Variants in RNF150 observed in about 807,000 individuals in gnomAD.
RNF150 encodes ring finger protein 150.
Under a neutral mutation model 39.3 loss-of-function variants are expected in RNF150, and 24 were observed. The ratio of observed to expected loss-of-function variants is 0.61; its 90% CI spans 0.44 to 0.86. RNF150 has a LOEUF of 0.86. Ranked by LOEUF, RNF150 falls within the 40% of genes least tolerant of loss-of-function variation. The pLI is 0.00. For synonymous variants in RNF150, 255 were observed against 227.3 expected (o/e 1.12, Z -1.10); for missense variants, 502 against 587.8 (o/e 0.85, Z 1.51).
At chr4:141,030,705 T>G (rs1181916994) in intron 1 of RNF150, among the ~76,000 whole-genome samples, 1 of 152,070 alleles carries the variant, frequency 6.6e-6, no homozygotes, top group African/African-American at 2.4e-5. Flanking sequence ...AATAAGATAG[T>G]CACAAAAAGA....
intron 1 of RNF150, among the ~76,000 whole-genome samples, chr4:141,164,865 T>C (rs570194303): frequency 6.6e-6 from 1 of 152,232 alleles, no homozygotes; most frequent in Non-Finnish European, 1.5e-5. Flanking sequence ...GTAAAGACCA[T>C]TGACACTATA....
At chr4:141,207,939 A>G (rs1578797507) in intron 1 of RNF150, among the ~76,000 whole-genome samples, 1 of 151,974 alleles carries the variant, frequency 6.6e-6, no homozygotes, top group Middle Eastern at 3.4e-3. Context: ...TTAACACAAC[A>G]TACTAGGCAC....
intron 1 of RNF150, among the ~76,000 whole-genome samples, chr4:141,056,486 A>G (rs917382727): frequency 1.3e-5 from 2 of 152,078 alleles, no homozygotes; most frequent in Non-Finnish European, 2.9e-5. Context: ...GGCTGGTGGG[A>G]GAGATGGTTG....
intron 2 of RNF150, among the ~76,000 whole-genome samples, chr4:140,966,914 T>C (rs926018588): frequency 2.0e-5 from 3 of 152,160 alleles, no homozygotes; most frequent in Non-Finnish European, 2.9e-5. Flanking sequence ...TGTCCGTTAA[T>C]AGGTGCTGGT....
At chr4:141,212,726 C>T (rs1178344889) in intron 1 of RNF150, 1 of 152,332 alleles carries the variant, frequency 6.6e-6, no homozygotes, top group Non-Finnish European at 1.5e-5. Context: ...CTAGTCTGTT[C>T]TAACACTGCT....
rs1257638659 is a variant in RNF150 at position 141,143,301 on chromosome 4, A to G, written c.-6+69493T>C. ...ATCACAAAATTATGTCAAATACTGA[A>G]CTTTATTCTCATGCCAATCTTCATC... On this transcript the variant is annotated intron_variant, in intron 1 of 7. Coordinates refer to the RNF150 transcript ENST00000420921. Among the ~76,000 whole-genome samples the G allele has an allele frequency of 2.0e-5, 3 of 152,168 alleles. No individual in the cohort carries two copies. The East Asian group carries it at 5.8e-4, about 29-fold the overall frequency.
intron 1 of RNF150, among the ~76,000 whole-genome samples, chr4:141,060,387 G>A (rs931926724): frequency 1.3e-5 from 2 of 152,184 alleles, no homozygotes; most frequent in African/African-American, 4.8e-5. Flanking sequence ...GTTGCACTGA[G>A]CCATGGCTGA....
intron 6 of RNF150, among the ~76,000 whole-genome samples, chr4:140,897,325 G>C (rs1032875323): frequency 6.6e-6 from 1 of 152,158 alleles, no homozygotes; most frequent in African/African-American, 2.4e-5. Flanking sequence ...CAGGCACTCT[G>C]GGGTTGCTGG....
intron 5 of RNF150, among the ~76,000 whole-genome samples, chr4:140,914,929 C>G (rs529754659): frequency 1.3e-5 from 2 of 152,022 alleles, no homozygotes; most frequent in African/African-American, 4.8e-5. Context: ...TGGGTAGATA[C>G]AAGGACACTT....
intron 1 of RNF150, among the ~76,000 whole-genome samples, chr4:141,016,801 C>G (rs1735295116): frequency 6.6e-6 from 1 of 152,152 alleles, no homozygotes; most frequent in African/African-American, 2.4e-5. Flanking sequence ...AACTGTCCCC[C>G]TAAATCTCCT....
In RNF150 at chr4:140,876,932, T is replaced by C. The variant is rs78241345; in HGVS notation, c.1199-8553A>G. Among the ~76,000 whole-genome samples, 838 of 152,364 alleles carry C rather than the reference T, an allele frequency of 5.5e-3. 7 individuals are homozygous for C. Among genetic ancestry groups the C allele is most frequent in the African/African-American group, 0.019 (770 of 41,592 alleles). ...AATTCCTGTTCCATAATTGCAAATA[T>C]ATACATCTTGCGGTCAAATTAGGAA... On this transcript the variant is annotated intron_variant, in intron 6 of 6. Transcript: ENST00000515673.
At chr4:141,081,165 T>C (rs1738135911) in intron 1 of RNF150, among the ~76,000 whole-genome samples, 2 of 151,866 alleles carry the variant, frequency 1.3e-5, no homozygotes, top group Admixed American at 1.3e-4. Context: ...CATGTCTGCA[T>C]TGGGACAATT....
chr4:141,101,027 C>T (rs555259760), intron 1 of RNF150, among the ~76,000 whole-genome samples: 4 of 152,170 alleles, frequency 2.6e-5, no homozygotes, highest in African/African-American at 9.6e-5. Context: ...AATATGAAGG[C>T]GTAGGACATT....
At chr4:141,035,729 C>T (rs959158803) in intron 1 of RNF150, among the ~76,000 whole-genome samples, 4 of 152,098 alleles carry the variant, frequency 2.6e-5, no homozygotes, top group African/African-American at 9.7e-5. Context: ...ACTGTAGCTT[C>T]ACAGCCAAAA....
intron 1 of RNF150, among the ~76,000 whole-genome samples, chr4:141,145,325 T>A (rs2111131700): frequency 6.6e-6 from 1 of 152,302 alleles, no homozygotes; most frequent in East Asian, 1.9e-4. Flanking sequence ...GTTAGAAATA[T>A]TTTTACTTAA....
At chr4:141,157,141 C>T (rs1316182557) in intron 1 of RNF150, among the ~76,000 whole-genome samples, 4 of 152,112 alleles carry the variant, frequency 2.6e-5, no homozygotes, top group Admixed American at 2.6e-4. Context: ...GCTCTTCTAC[C>T]TTCAGGTTTT....
intron 1 of RNF150, among the ~76,000 whole-genome samples, chr4:140,976,059 C>T (rs954706879): frequency 4.6e-5 from 7 of 152,134 alleles, no homozygotes; most frequent in Admixed American, 2.0e-4. Context: ...TGATCCTTAA[C>T]CTTCTTGCTT....
At chr4:140,949,484 A>G (rs1732458453) in intron 2 of RNF150, 112 bp from the exon 3 acceptor site, 2 of 866,038 alleles carry the variant, frequency 2.3e-6, no homozygotes, top group Non-Finnish European at 3.8e-6. Context: ...CACATGTGGT[A>G]TGAATGCTAG....
chr4:141,169,270 G>A (rs2572239), intron 1 of RNF150, among the ~76,000 whole-genome samples: 277 of 152,110 alleles, frequency 1.8e-3, no homozygotes, highest in Non-Finnish European at 3.4e-3. Context: ...CATGTAGGAC[G>A]TGTCTACTTC....
Sources: gnomAD v4.1 joint callset for allele counts (sites outside exome capture counted in the v4.1 genomes callset) on GRCh38, gnomAD v4.1.1 for gene constraint, MANE v1.5 for transcripts, NCBI Gene and HGNC (gene_info 2026-07-23, HGNC 2026-07-21) for gene names.